CFAP46: variants seen among roughly 807,000 people sequenced by gnomAD.
CFAP46 encodes the protein cilia- and flagella-associated protein 46.
CFAP46 carries 245 observed loss-of-function variants against 325.7 expected under a neutral mutation model. The ratio of observed to expected loss-of-function variants is 0.75; its 90% CI spans 0.68 to 0.84. The LOEUF (loss-of-function observed/expected upper bound fraction) is 0.84. CFAP46 is among the 40% of genes least tolerant of loss of function. CFAP46 has a pLI of 0.00. For synonymous variants in CFAP46, 1,523 were observed against 1,495.9 expected (o/e 1.02, Z -0.42); for missense variants, 3,346 against 3,543.0 (o/e 0.94, Z 1.41).
At position 132,812,864 on chromosome 10, in the gene CFAP46, G is replaced by A. The variant is rs777257384; in HGVS notation, c.7422C>T (p.Cys2474=). 1.2e-6 allele frequency: 2 copies of A among 1,610,552 alleles called. No individual in the cohort carries two copies. The highest frequency in any genetic ancestry group is 1.1e-5 in the South Asian group (1 of 91,088). The change falls in exon 55 of 58, where the codon TGC becomes TGT. Residue 2474 remains cysteine (C), a synonymous_variant. Coordinates refer to ENST00000368586, the MANE Select transcript of CFAP46 (RefSeq NM_001200049.3). Reference sequence around the variant, plus strand: ...CCATTCCATAGAAGAAGAAACCGCTGCAGCTGCCCAGGGCCTGCTCCCACT... The same window carrying A: ...CCATTCCATAGAAGAAGAAACCGCTACAGCTGCCCAGGGCCTGCTCCCACT... The part of the protein sequence containing the change: ...QAQWEQALGS[C]SGFFFYGMES...
At chr10:132,936,861 G>T in intron 7 of CFAP46, 100 bp downstream of exon 7, 2 of 568,384 alleles carry the variant, frequency 3.5e-6, no homozygotes, top group Non-Finnish European at 5.7e-6. Flanking sequence ...AGACTCACAG[G>T]CCCCTGGACA....
chr10:132,881,580 G>C (rs1328315957), intron 27 of CFAP46, among the ~76,000 whole-genome samples: 2 of 151,998 alleles, frequency 1.3e-5, no homozygotes, highest in Non-Finnish European at 2.9e-5. Context: ...TTGCAGAGCA[G>C]AGCCTCAGCC....
chr10:132,912,161 C>G (rs967217117), intron 19 of CFAP46, among the ~76,000 whole-genome samples: 17 of 136,002 alleles, frequency 1.2e-4, no homozygotes, highest in East Asian at 7.1e-4. Context: ...TCTCCTCTCT[C>G]TCTTCTCTCT....
intron 26 of CFAP46, 88 bp downstream of exon 26, chr10:132,885,733 A>G (rs1274998398): frequency 7.2e-7 from 1 of 1,391,600 alleles, no homozygotes; most frequent in African/African-American, 1.7e-5. Context: ...TGGAGCACTC[A>G]CAGGCGGTGT....
chr10:132,846,304 A>C (rs1424017459), intron 43 of CFAP46, 77 bp from the exon 44 acceptor site: 1 of 1,478,130 alleles, frequency 6.8e-7, no homozygotes, highest in Non-Finnish European at 9.1e-7. Context: ...GAGGGTGCGC[A>C]GCAGCTGCAG....
chr10:132,892,108 G>A (rs935043221), intron 25 of CFAP46, among the ~76,000 whole-genome samples: 4 of 152,138 alleles, frequency 2.6e-5, no homozygotes, highest in East Asian at 1.9e-4. Flanking sequence ...AGAAGGTCCC[G>A]GCTCTGGCTT....
At chr10:132,892,222 G>T in intron 25 of CFAP46, 111 bp downstream of exon 25, 1 of 936,502 alleles carries the variant, frequency 1.1e-6, no homozygotes, top group Non-Finnish European at 1.6e-6. Flanking sequence ...TTACTGCCAA[G>T]TGGCTTCACG....
rs140813362 is a variant in CFAP46 at position 132,821,383 on chromosome 10, CTGA to C, written c.7118-6472_7118-6470del. Among the ~76,000 whole-genome samples the C allele has an allele frequency of 8.4e-3, 936 of 110,966 alleles. 23 individuals carry two copies. The highest frequency in any genetic ancestry group is 0.033 in the African/African-American group (841 of 25,568). The allele number at this position is 110,966 out of a possible 152,430, so 72.8% of individuals were successfully genotyped here. ...GTGTGTGCTGTGTGCTGTGTGTGCACTGATGTGTGCTGTGTGTGTGCTGTGTGC... is the reference window on the plus strand; with the variant it reads ...GTGTGTGCTGTGTGCTGTGTGTGCACTGTGTGCTGTGTGTGTGCTGTGTGC... On this transcript the variant is annotated intron_variant, in intron 50 of 57. Transcript: ENST00000368586.
chr10:132,811,092 T>C lies in CFAP46; in HGVS notation c.7502-61A>G, dbSNP rs11815122. 8.6e-3 allele frequency: 12,218 copies of C among 1,421,544 alleles called. 728 individuals are homozygous for C. In the African/African-American group the frequency reaches 0.14, roughly 16 times the overall value. The allele number at this position is 1,421,544 out of a possible 1,614,324, so 88.1% of individuals were successfully genotyped here. A position where few individuals can be genotyped will look rare whatever the true frequency, so the allele number is the denominator to read the frequency against. Reference sequence around the variant, plus strand: ...CCTGACATGGGGAGTGGGGATGGGGTGTGGGCAGGTGGGGCCTGTGCCCCA... The same window carrying C: ...CCTGACATGGGGAGTGGGGATGGGGCGTGGGCAGGTGGGGCCTGTGCCCCA... On this transcript the variant is annotated intron_variant, in intron 55 of 57. Coordinates refer to ENST00000368586, the MANE Select transcript of CFAP46 (RefSeq NM_001200049.3).
At chr10:132,816,033 CG>C (rs1225416964) in intron 50 of CFAP46, among the ~76,000 whole-genome samples, 2 of 152,128 alleles carry the variant, frequency 1.3e-5, no homozygotes, top group African/African-American at 4.8e-5. Flanking sequence ...TCAAATCCAT[CG>C]ATGTCCTTTT....
In CFAP46 at chr10:132,920,091, C is replaced by T. The variant is rs754926195; in HGVS notation, c.1698G>A (p.Leu566=). 5.3e-5 allele frequency: 82 copies of T among 1,548,328 alleles called. No homozygotes were observed. Among genetic ancestry groups the T allele is most frequent in the Non-Finnish European group, 6.5e-5 (75 of 1,146,210 alleles). The change falls in exon 14 of 58, where the codon CTG becomes CTA. Residue 566 remains leucine, a synonymous_variant. Transcript: ENST00000368586. ...TGTCGTTTTCGTTGCCCAGGCGCCGCAGGTGCCCGGCAGCTTTGTCCACGC... is the reference window on the plus strand; with the variant it reads ...TGTCGTTTTCGTTGCCCAGGCGCCGTAGGTGCCCGGCAGCTTTGTCCACGC... ...TVSVDKAAGH[L]RRLGNENDKE...
chr10:132,918,889 G>C (rs763785240), intron 15 of CFAP46, among the ~76,000 whole-genome samples: 4 of 152,154 alleles, frequency 2.6e-5, no homozygotes, highest in African/African-American at 9.7e-5. Flanking sequence ...CACCTCCCTC[G>C]TCCCTCCGGG....
intron 10 of CFAP46, 90 bp from the exon 11 acceptor site, chr10:132,924,976 G>T: frequency 9.1e-7 from 1 of 1,096,812 alleles, no homozygotes; most frequent in Non-Finnish European, 1.2e-6. Context: ...CACTGAGAAC[G>T]CAGGCCCTAA....
intron 13 of CFAP46, 127 bp from the exon 14 acceptor site, chr10:132,920,309 T>A (rs143839579): frequency 8.4e-7 from 1 of 1,195,462 alleles, no homozygotes; most frequent in East Asian, 2.8e-5. Context: ...CCAGGGGCCC[T>A]AGATCCCCGG....
intron 49 of CFAP46, among the ~76,000 whole-genome samples, chr10:132,833,743 C>T (rs1053712700): frequency 2.6e-5 from 4 of 152,238 alleles, no homozygotes; most frequent in Admixed American, 1.3e-4. Context: ...TTAGCAAGCA[C>T]GTGTGGTGTG....
Position 132,939,524 on chromosome 10 carries a change from T to A in CFAP46, c.372-771A>T, listed in dbSNP as rs993969026. Among the ~76,000 whole-genome samples the A allele has an allele frequency of 5.9e-5, 9 of 152,252 alleles. No individual in the cohort carries two copies. Among genetic ancestry groups the A allele is most frequent in the Admixed American group, 5.2e-4 (8 of 15,302 alleles). On this transcript the variant is annotated intron_variant, in intron 4 of 57. Coordinates refer to ENST00000368586, the MANE Select transcript of CFAP46 (RefSeq NM_001200049.3). This position sits in a 1 kb window ranked among gnomAD's most constrained non-coding sequence, Gnocchi z 4.6. ...TTGTGGTCCTGGGCCGGCCACCAGG[T>A]GGACCAGCACTGCTCAATGCCCAGG...
chr10:132,908,671 GCAA>G (rs1221394687), intron 21 of CFAP46, 37 bp from the exon 22 acceptor site: 3 of 1,494,938 alleles, frequency 2.0e-6, no homozygotes, highest in Non-Finnish European at 2.7e-6. Flanking sequence ...CACCGTGTTA[GCAA>G]CAACGAACTT....
rs115079505 is a variant in CFAP46, at chr10:132,929,650, A to G, written c.966+55T>C. ...TCTTCCTTTCTTTGCCTTTTGTCCA[A>G]CTGCACGGTGAGCAGCGCCTCATCC... On this transcript the variant is annotated intron_variant, in intron 9 of 57. Transcript: ENST00000368586. 2.5e-3 allele frequency: 3,768 copies of G among 1,521,556 alleles called. 66 individuals are homozygous for G. In the African/African-American group the frequency reaches 0.043, roughly 17 times the overall value. 94.3% of individuals were successfully genotyped at this position (1,521,556 alleles called of 1,614,324 possible). A position where few individuals can be genotyped will look rare whatever the true frequency, so the allele number is the denominator to read the frequency against.
At chr10:132,910,847 C>A (rs929702782) in intron 19 of CFAP46, among the ~76,000 whole-genome samples, 2 of 152,104 alleles carry the variant, frequency 1.3e-5, no homozygotes, top group Non-Finnish European at 2.9e-5. Flanking sequence ...CACAGCCATC[C>A]CATCGGAATG....
Sources: allele counts gnomAD v4.1 joint callset (sites outside exome capture counted in the v4.1 genomes callset), GRCh38; gene constraint gnomAD v4.1.1; non-coding constraint Gnocchi (gnomAD v3.1); transcripts MANE v1.5; gene names NCBI Gene and HGNC (gene_info 2026-07-23, HGNC 2026-07-21).